C16orf74: variants seen among roughly 807,000 people sequenced by gnomAD.
The protein encoded by C16orf74 is uncharacterized protein C16orf74.
C16orf74 carries 10 observed loss-of-function variants against 6.5 expected under a neutral mutation model. That is an observed-to-expected ratio of 1.54 (90% CI 0.95 to 2.61). C16orf74 has a LOEUF of 2.61. Among genes scored for constraint, C16orf74 ranks in the 30% most tolerant of loss-of-function variants. The pLI, the probability that C16orf74 is intolerant of heterozygous loss-of-function variation, is 0.00. For missense variants in C16orf74, 141 were observed against 105.9 expected (o/e 1.33, Z -1.45); for synonymous variants, 60 against 42.5 (o/e 1.41, Z -1.60).
At chr16:85,723,288 T>G (rs989237965) in intron 2 of C16orf74, among the ~76,000 whole-genome samples, 14 of 128,966 alleles carry the variant, frequency 1.1e-4, no homozygotes, top group African/African-American at 2.1e-4. Context: ...AAAGGCCAGG[T>G]GCAGTGGCAC....
intron 1 of C16orf74, among the ~76,000 whole-genome samples, chr16:85,740,033 A>G (rs557826593): frequency 6.6e-6 from 1 of 151,348 alleles, no homozygotes; most frequent in African/African-American, 2.4e-5. Context: ...AACATGGTGA[A>G]ACCCCGTCTC....
chr16:85,740,189 C>T (rs1433993274), intron 1 of C16orf74, among the ~76,000 whole-genome samples: 1 of 120,918 alleles, frequency 8.3e-6, no homozygotes, highest in Non-Finnish European at 1.6e-5. Flanking sequence ...ATAGGCTGGG[C>T]GACAAGAACG....
At chr16:85,733,862 GA>G (rs2054216704) in intron 2 of C16orf74, among the ~76,000 whole-genome samples, 1 of 152,158 alleles carries the variant, frequency 6.6e-6, no homozygotes, top group Non-Finnish European at 1.5e-5. Context: ...TTCACCAGGG[GA>G]ACCAATCTCT....
intron 2 of C16orf74, among the ~76,000 whole-genome samples, chr16:85,715,034 G>A (rs1490633639): frequency 6.6e-6 from 1 of 151,570 alleles, no homozygotes; most frequent in Non-Finnish European, 1.5e-5. Flanking sequence ...GCGGGCGCCT[G>A]TAGTCCCAGC....
chr16:85,720,973 C>G (rs1031454206), intron 2 of C16orf74, among the ~76,000 whole-genome samples: 1 of 152,170 alleles, frequency 6.6e-6, no homozygotes, highest in African/African-American at 2.4e-5. Flanking sequence ...CACCTGTAAT[C>G]CCAGCTACTT....
chr16:85,707,738 C>T lies in C16orf74; in HGVS notation c.*270G>A, dbSNP rs945739404. On this transcript the variant is annotated 3_prime_UTR_variant, in exon 4 of 4. Transcript: ENST00000284245. ...CTCCCTGGGACCCCAACAGCCAGGA[C>T]CATGGCGCTCCCTTTCACCAGGCCG... The T allele has an allele frequency of 4.1e-6, 2 of 491,502 alleles. No homozygotes were observed. The highest frequency in any genetic ancestry group is 7.3e-6 in the Non-Finnish European group (2 of 275,076). The allele number at this position is 491,502 out of a possible 1,614,324, so 30.4% of individuals were successfully genotyped here. A position where few individuals can be genotyped will look rare whatever the true frequency, so the allele number is the denominator to read the frequency against.
chr16:85,739,559 G>C (rs1030351571), intron 1 of C16orf74, among the ~76,000 whole-genome samples: 4 of 152,244 alleles, frequency 2.6e-5, no homozygotes, highest in African/African-American at 9.6e-5. Context: ...CTGGGAGATA[G>C]GAGAGCATGA....
chr16:85,738,383 G>A (rs942562334), intron 1 of C16orf74, among the ~76,000 whole-genome samples: 10 of 149,616 alleles, frequency 6.7e-5, no homozygotes, highest in African/African-American at 2.0e-4. Flanking sequence ...GGAGTGCAGT[G>A]GCGTGACCTT....
chr16:85,715,504 G>T (rs1206380639), intron 2 of C16orf74, among the ~76,000 whole-genome samples: 1 of 152,168 alleles, frequency 6.6e-6, no homozygotes, highest in African/African-American at 2.4e-5. Flanking sequence ...GCTTCCTGTA[G>T]CATAATCCCA....
intron 1 of C16orf74, among the ~76,000 whole-genome samples, chr16:85,738,638 G>A (rs1237219516): frequency 6.6e-6 from 1 of 151,964 alleles, no homozygotes; most frequent in Non-Finnish European, 1.5e-5. Context: ...GCCCGGCACT[G>A]GGATTTTTAA....
At chr16:85,735,107 G>T in intron 2 of C16orf74, 83 bp downstream of exon 2, 1 of 1,247,194 alleles carries the variant, frequency 8.0e-7, no homozygotes, top group Non-Finnish European at 1.1e-6. Context: ...AGGGCAGAGG[G>T]CTTCAACTCC....
chr16:85,728,054 C>T (rs145588163), intron 2 of C16orf74, among the ~76,000 whole-genome samples: 2 of 151,678 alleles, frequency 1.3e-5, no homozygotes, highest in African/African-American at 4.8e-5. Context: ...AGGAGAACCA[C>T]TTGAGCCCCA....
chr16:85,736,686 G>T (rs2054248330), intron 1 of C16orf74, among the ~76,000 whole-genome samples: 1 of 152,174 alleles, frequency 6.6e-6, no homozygotes, highest in African/African-American at 2.4e-5. Context: ...GCTGGGCCAG[G>T]TCCCAGCTTG....
At chr16:85,725,642 TTTTGGCAATTTGGCAAAA>T (rs1294717510) in intron 2 of C16orf74, among the ~76,000 whole-genome samples, 3 of 152,136 alleles carry the variant, frequency 2.0e-5, no homozygotes, top group Non-Finnish European at 2.9e-5. Flanking sequence ...AGTGCAGTGG[TTTTGGCAATTTGGCAAAA>T]TTTGGCAATT....
intron 2 of C16orf74, among the ~76,000 whole-genome samples, chr16:85,732,003 G>C (rs2054194045): frequency 6.6e-6 from 1 of 152,222 alleles, no homozygotes; most frequent in Admixed American, 6.5e-5. Flanking sequence ...AGATGTAATT[G>C]AGTTAAGGAT....
chr16:85,745,680 C>G (rs1312822154), intron 1 of C16orf74, among the ~76,000 whole-genome samples: 1 of 151,292 alleles, frequency 6.6e-6, no homozygotes, highest in East Asian at 1.9e-4. Context: ...ACAGAATCTC[C>G]CGCTGGCTGG....
intron 2 of C16orf74, among the ~76,000 whole-genome samples, chr16:85,711,623 CAAAAAAAAAA>C (rs57336507): frequency 3.6e-5 from 4 of 111,048 alleles, no homozygotes; most frequent in Admixed American, 2.0e-4. Flanking sequence ...AACTCTGTCT[CAAAAAAAAAA>C]AAAAAAAAAA....
At chr16:85,731,080 G>A (rs2054182880) in intron 2 of C16orf74, among the ~76,000 whole-genome samples, 1 of 152,190 alleles carries the variant, frequency 6.6e-6, no homozygotes, top group Non-Finnish European at 1.5e-5. Context: ...TAGATAGTAT[G>A]TCCTTGAGCA....
intron 2 of C16orf74, among the ~76,000 whole-genome samples, chr16:85,734,906 C>T (rs1269194998): frequency 6.6e-6 from 1 of 152,178 alleles, no homozygotes; most frequent in Non-Finnish European, 1.5e-5. Flanking sequence ...CCTCCTCCTC[C>T]CTCACTCTCC....
Sources: allele counts gnomAD v4.1 joint callset (sites outside exome capture counted in the v4.1 genomes callset), GRCh38; gene constraint gnomAD v4.1.1; transcripts MANE v1.5; gene names NCBI Gene and HGNC (gene_info 2026-07-23, HGNC 2026-07-21).